The following CAPN8 variants were observed in gnomAD, a reference collection of about 807,000 sequenced individuals.
CAPN8 encodes the protein calpain-8.
In CAPN8, 87 loss-of-function variants were observed where a neutral mutation model predicts 80.9. That is an observed-to-expected ratio of 1.07 (90% CI 0.90 to 1.28). The LOEUF (loss-of-function observed/expected upper bound fraction) is 1.28. Ranked by LOEUF, CAPN8 falls within the 50% of genes most tolerant of loss-of-function variation. The pLI is 0.00. For synonymous variants in CAPN8, 299 were observed against 273.8 expected (o/e 1.09, Z -0.91); for missense variants, 757 against 702.0 (o/e 1.08, Z -0.89).
At chr1:223,629,722 A>C (rs891173954) in intron 2 of CAPN8, among the ~76,000 whole-genome samples, 2 of 152,338 alleles carry the variant, frequency 1.3e-5, no homozygotes, top group South Asian at 4.1e-4. Context: ...CAGTGTCCTC[A>C]AGCGTGCTTT....
rs2102713300 is a variant in CAPN8 at position 223,627,212 on chromosome 1, G to A, written c.561-55C>T. 27 of 1,532,294 alleles carry A rather than the reference G, an allele frequency of 1.8e-5. No homozygotes were observed. The South Asian group carries it at 3.3e-4, about 18-fold the overall frequency. 94.9% of individuals were successfully genotyped at this position (1,532,294 alleles called of 1,614,324 possible). ...TTAGCACCCTCAGCAAGGAGACCCG[G>A]GGATTGGGGACCGGGACAGTGCTAG... On this transcript the variant is annotated intron_variant, in intron 4 of 20. Transcript: ENST00000366872.
intron 10 of CAPN8, 115 bp downstream of exon 10, chr1:223,615,855 G>T: frequency 1.5e-6 from 2 of 1,293,152 alleles, no homozygotes; most frequent in Non-Finnish European, 2.2e-6. Flanking sequence ...GAGCAAGGAC[G>T]CTTCTCGATT....
intron 6 of CAPN8, 67 bp from the exon 7 acceptor site, chr1:223,622,967 C>A: frequency 1.6e-6 from 2 of 1,258,794 alleles, no homozygotes; most frequent in Non-Finnish European, 2.3e-6. Context: ...GGCATGTCTG[C>A]ACCTGACAGG....
chr1:223,648,005 G>A (rs1658236448), intron 2 of CAPN8, among the ~76,000 whole-genome samples: 1 of 152,128 alleles, frequency 6.6e-6, no homozygotes, highest in South Asian at 2.1e-4. Flanking sequence ...GAGGGTTCAT[G>A]GAACTCTCCA....
intron 2 of CAPN8, 53 bp downstream of exon 2, chr1:223,654,277 A>T: frequency 6.9e-7 from 1 of 1,451,740 alleles, no homozygotes; most frequent in Non-Finnish European, 9.5e-7. Context: ...TACTCATGAC[A>T]CATACACACC....
intron 8 of CAPN8, 48 bp from the exon 9 acceptor site, chr1:223,619,501 G>A (rs1657314426): frequency 1.3e-6 from 2 of 1,547,028 alleles, no homozygotes; most frequent in Non-Finnish European, 1.7e-6. Context: ...GCTGGGTTGT[G>A]ATTAAAGGCA....
chr1:223,620,098 C>T lies in CAPN8; in HGVS notation c.974+94G>A. 3.8e-6 allele frequency: 4 copies of T among 1,049,920 alleles called. No homozygotes were observed. In the South Asian group the frequency reaches 5.5e-5, roughly 15 times the overall value. The allele number at this position is 1,049,920 out of a possible 1,614,324, so 65.0% of individuals were successfully genotyped here. A position where few individuals can be genotyped will look rare whatever the true frequency, so the allele number is the denominator to read the frequency against. On this transcript the variant is annotated intron_variant, in intron 8 of 20. Transcript: ENST00000366872. ...TTCACCATGATCAGGAACCATGTCGCCTTCCTGGAAGACCCAGAGACCTAG... is the reference window on the plus strand; with the variant it reads ...TTCACCATGATCAGGAACCATGTCGTCTTCCTGGAAGACCCAGAGACCTAG...
Position 223,622,813 on chromosome 1 carries a change from A to T in CAPN8, c.899+2T>A. The T allele has an allele frequency of 6.4e-7, 1 of 1,551,070 alleles. No homozygotes were observed. The highest frequency in any genetic ancestry group is 8.7e-7 in the Non-Finnish European group (1 of 1,146,564). ...CTGGAGAAGCGGGGGAAAAAAACCT[A>T]CTCATCGCTCCAGGCTCCCGACCAC... On this transcript the variant is annotated splice_donor_variant, in intron 7 of 20. Transcript: ENST00000366872. LOFTEE classifies it high-confidence loss of function.
chr1:223,637,404 C>G (rs1657929018), intron 2 of CAPN8, among the ~76,000 whole-genome samples: 1 of 152,158 alleles, frequency 6.6e-6, no homozygotes, highest in Non-Finnish European at 1.5e-5. Flanking sequence ...TTAGCATCCT[C>G]AGTACTCCTG....
chr1:223,547,132 G>A (rs556106232), intron 16 of CAPN8, among the ~76,000 whole-genome samples: 27 of 152,096 alleles, frequency 1.8e-4, no homozygotes, highest in Non-Finnish European at 2.5e-4. Flanking sequence ...GACTGGTCTC[G>A]AACTCCTGGC....
intron 6 of CAPN8, among the ~76,000 whole-genome samples, chr1:223,625,593 G>A (rs1324625034): frequency 2.6e-5 from 4 of 152,102 alleles, no homozygotes; most frequent in African/African-American, 7.2e-5. Context: ...CACCACACCT[G>A]GCCGGAAGAG....
At chr1:223,642,041 A>T (rs1437535885) in intron 2 of CAPN8, among the ~76,000 whole-genome samples, 2 of 152,132 alleles carry the variant, frequency 1.3e-5, no homozygotes, top group Non-Finnish European at 2.9e-5. Flanking sequence ...CCTTACTAGA[A>T]CATCGTCCTC....
Position 223,665,552 on chromosome 1 carries a change from A to G in CAPN8, c.95T>C (p.Phe32Ser). Reference protein sequence around the residue: ...QNALKYLGQDFKTLRQQCLDS... With the variant: ...QNALKYLGQDSKTLRQQCLDS... ...CAAGCACTGTTGCCTCAGGGTCTTG[A>G]AATCCTGGCCCAAGTACTTCAAAGC... Residue 32 changes from phenylalanine to serine, a missense_variant, in exon 1 of 21, where the codon TTC becomes TCC. Physicochemically the swap from Phe to Ser is radical, Grantham distance 155. Transcript: ENST00000366872. 6.4e-7 allele frequency: 1 copy of G among 1,551,684 alleles called. No homozygotes were observed. Among genetic ancestry groups the G allele is most frequent in the Non-Finnish European group, 8.7e-7 (1 of 1,147,004 alleles).
intron 15 of CAPN8, 104 bp from the exon 16 acceptor site, chr1:223,549,486 G>A (rs1425455728): frequency 6.6e-7 from 1 of 1,520,616 alleles, no homozygotes; most frequent in Non-Finnish European, 8.9e-7. Context: ...CAAGGGTGTG[G>A]AACCGAACTT....
rs148946510 is a variant in CAPN8 at position 223,542,417 on chromosome 1, T to C, written c.2089-558A>G. ...GGTCTATTTCTAGGAAGGCCTTTCC[T>C]GGGCTACAGGAAAGAGGTCAATAGC... On this transcript the variant is annotated intron_variant, in intron 20 of 20. Transcript: ENST00000366872. Among the ~76,000 whole-genome samples, 147 of 152,288 alleles carry C rather than the reference T, an allele frequency of 9.7e-4. 1 individual carries two copies. The highest frequency in any genetic ancestry group is 3.5e-3 in the African/African-American group (144 of 41,548).
chr1:223,544,623 G>A (rs573942053), intron 18 of CAPN8, 149 bp downstream of exon 18: 1 of 1,069,702 alleles, frequency 9.3e-7, no homozygotes, highest in African/African-American at 1.6e-5. Context: ...CCTGGACAGG[G>A]AAGGTACTCA....
At chr1:223,633,101 C>T (rs943377468) in intron 2 of CAPN8, among the ~76,000 whole-genome samples, 3 of 152,210 alleles carry the variant, frequency 2.0e-5, no homozygotes, top group Non-Finnish European at 2.9e-5. Context: ...TAGCCCTGGG[C>T]TGTCTGCCTC....
intron 8 of CAPN8, 24 bp downstream of exon 8, chr1:223,620,166 AGC>A: frequency 6.5e-7 from 1 of 1,542,332 alleles, no homozygotes; most frequent in Non-Finnish European, 8.8e-7. Flanking sequence ...CCAATGGGAC[AGC>A]GCTTCAGCAG....
chr1:223,613,442 A>T (rs545054472), intron 10 of CAPN8, among the ~76,000 whole-genome samples: 5 of 152,228 alleles, frequency 3.3e-5, no homozygotes, highest in South Asian at 4.1e-4. Flanking sequence ...TCCACAAACA[A>T]CTTGACCACC....
Sources: gnomAD v4.1 joint callset for allele counts (sites outside exome capture counted in the v4.1 genomes callset) on GRCh38, gnomAD v4.1.1 for gene constraint, MANE v1.5 for transcripts, NCBI Gene and HGNC (gene_info 2026-07-23, HGNC 2026-07-21) for gene names.